The following PDCD4 variants were observed in gnomAD, a reference collection of about 807,000 sequenced individuals.
The protein encoded by PDCD4 is programmed cell death 4.
In PDCD4, 56 loss-of-function variants were observed where a neutral mutation model predicts 54.0. The observed-to-expected ratio is 1.04, with a 90% CI of 0.84 to 1.30. The LOEUF (loss-of-function observed/expected upper bound fraction) is 1.30. Ranked by LOEUF, PDCD4 falls within the 50% of genes most tolerant of loss-of-function variation. The probability of loss-of-function intolerance (pLI) is 0.00; values close to 1 mark genes in which losing one functional copy is unlikely to be tolerated. For synonymous variants in PDCD4, 186 were observed against 194.8 expected (o/e 0.95, Z 0.37); for missense variants, 584 against 559.8 (o/e 1.04, Z -0.44).
intron 2 of PDCD4, among the ~76,000 whole-genome samples, chr10:110,877,787 CT>C (rs1164616818): frequency 6.6e-6 from 1 of 152,150 alleles, no homozygotes; most frequent in Non-Finnish European, 1.5e-5. Context: ...CACTCTTACT[CT>C]TTTACTTGGA....
At chr10:110,872,704 C>A (rs1845437871) in intron 1 of PDCD4, among the ~76,000 whole-genome samples, 1 of 152,242 alleles carries the variant, frequency 6.6e-6, no homozygotes, top group African/African-American at 2.4e-5. Flanking sequence ...CGAACTTCGT[C>A]GCGCCCGTCT....
intron 1 of PDCD4, 48 bp downstream of exon 1, chr10:110,872,066 C>G (rs1337976819): frequency 6.6e-6 from 1 of 152,476 alleles, no homozygotes; most frequent in Non-Finnish European, 1.5e-5. Context: ...ACTGCGCCCT[C>G]TCCCCCATCC....
Position 110,878,027 on chromosome 10 carries a change from A to G in PDCD4, c.43+1957A>G, listed in dbSNP as rs59111562. Among the ~76,000 whole-genome samples the G allele has an allele frequency of 5.3e-5, 8 of 152,322 alleles. No homozygotes were observed. The East Asian group carries it at 1.2e-3, about 22-fold the overall frequency. On this transcript the variant is annotated intron_variant, in intron 2 of 11. Coordinates refer to ENST00000280154, the MANE Select transcript of PDCD4 (RefSeq NM_014456.5). ...TGATTTTCTGGTGCTGTGGTCATAT[A>G]CAATTGGAGTGGTTACTATTGAGAT...
intron 11 of PDCD4, among the ~76,000 whole-genome samples, chr10:110,897,565 T>A (rs1845860113): frequency 6.6e-6 from 1 of 152,214 alleles, no homozygotes; most frequent in African/African-American, 2.4e-5. Context: ...TTTTCCACAT[T>A]CAAGTTATGG....
intron 8 of PDCD4, among the ~76,000 whole-genome samples, chr10:110,892,095 A>G (rs1314021140): frequency 1.3e-5 from 2 of 152,218 alleles, no homozygotes; most frequent in Admixed American, 6.5e-5. Flanking sequence ...CTGAAATGCA[A>G]TTATTGCATT....
intron 5 of PDCD4, among the ~76,000 whole-genome samples, chr10:110,887,296 G>T (rs1203635777): frequency 1.3e-5 from 2 of 152,132 alleles, no homozygotes; most frequent in African/African-American, 4.8e-5. Context: ...CTACATGTAG[G>T]CTCTGCCATT....
chr10:110,872,288 C>T (rs956691367), intron 1 of PDCD4: 7 of 152,510 alleles, frequency 4.6e-5, no homozygotes, highest in African/African-American at 1.7e-4. Flanking sequence ...GCGGGCCCGC[C>T]CCCTCCCGGA....
At chr10:110,879,526 G>A (rs897239850) in intron 2 of PDCD4, among the ~76,000 whole-genome samples, 32 of 152,190 alleles carry the variant, frequency 2.1e-4, no homozygotes, top group Middle Eastern at 3.4e-3. Flanking sequence ...TTAGCCAGGC[G>A]TAGTGGCAGG....
At chr10:110,883,471 C>T (rs917158621) in intron 4 of PDCD4, among the ~76,000 whole-genome samples, 5 of 151,644 alleles carry the variant, frequency 3.3e-5, no homozygotes, top group East Asian at 1.9e-4. Flanking sequence ...TGGGGACATG[C>T]GCATCTTTCT....
intron 3 of PDCD4, 127 bp downstream of exon 3, chr10:110,881,662 A>G (rs754677321): frequency 2.8e-6 from 2 of 708,278 alleles, no homozygotes; most frequent in Non-Finnish European, 4.5e-6. Flanking sequence ...AAGGCTTTAC[A>G]GTTTGTATAT....
At chr10:110,877,358 C>T (rs542901667) in intron 2 of PDCD4, among the ~76,000 whole-genome samples, 1 of 152,164 alleles carries the variant, frequency 6.6e-6, no homozygotes, top group Non-Finnish European at 1.5e-5. Context: ...GGCGTGTGCA[C>T]CACTGTGCTT....
rs992604783 is a variant in PDCD4 at position 110,897,849 on chromosome 10, C to A, written c.1350-179C>A. On this transcript the variant is annotated intron_variant, in intron 11 of 11. Coordinates refer to ENST00000280154, the MANE Select transcript of PDCD4 (RefSeq NM_014456.5). ...TCAGATTTGATATTGATGTTTTATG[C>A]TAAGATATATAGTAGGGAGTCTTTT... Among the ~76,000 whole-genome samples the A allele has an allele frequency of 1.0e-4, 15 of 148,586 alleles. 1 individual carries two copies. The South Asian group carries it at 3.0e-3, about 29-fold the overall frequency.
At chr10:110,891,159 C>G (rs1845749533) in intron 8 of PDCD4, among the ~76,000 whole-genome samples, 2 of 152,084 alleles carry the variant, frequency 1.3e-5, no homozygotes, top group Non-Finnish European at 2.9e-5. Flanking sequence ...AATCCCAGCA[C>G]TTTGAGAGGC....
At chr10:110,897,239 CAT>C (rs1337682101) in intron 11 of PDCD4, among the ~76,000 whole-genome samples, 2 of 152,224 alleles carry the variant, frequency 1.3e-5, no homozygotes, top group Non-Finnish European at 2.9e-5. Flanking sequence ...TCAAGGGTCA[CAT>C]GAGGCAATAA....
Position 110,881,258 on chromosome 10 carries a change from C to G in PDCD4, c.69C>G (p.Leu23=), listed in dbSNP as rs1245423518. The G allele has an allele frequency of 1.9e-6, 3 of 1,613,014 alleles. No individual in the cohort carries two copies. Among genetic ancestry groups the G allele is most frequent in the Non-Finnish European group, 1.7e-6 (2 of 1,179,200 alleles). ...PADPDNLSDS[L]FSGDEENAGT... ...ATCCTGATAACTTAAGTGACTCTCTCTTTTCCGGTGATGAAGAAAATGCTG... is the reference window on the plus strand; with the variant it reads ...ATCCTGATAACTTAAGTGACTCTCTGTTTTCCGGTGATGAAGAAAATGCTG... Residue 23 remains leucine, a synonymous_variant, in exon 3 of 12, where the codon CTC becomes CTG. Transcript: ENST00000280154.
rs1177628721 is a variant in PDCD4 at position 110,898,075 on chromosome 10, C to T, written c.1397C>T (p.Pro466Leu). ...GAAGGAGATGGAGGTCGTCTTAAAC[C>T]AGAGAGCTACTGAATATAAGAACTC... ...VSEGDGGRLKPESY is the reference protein window; with the variant it reads ...VSEGDGGRLKLESY The change falls in exon 12 of 12, where the codon CCA becomes CTA. Residue 466 changes from proline to leucine, a missense_variant. By Grantham distance (98) the Pro-to-Leu change is moderately conservative. Transcript: ENST00000280154. The T allele has an allele frequency of 6.3e-7, 1 of 1,578,940 alleles. No homozygotes were observed. The highest frequency in any genetic ancestry group is 1.7e-5 in the Admixed American group (1 of 57,920).
At chr10:110,895,610 G>A (rs1470414334) in intron 10 of PDCD4, among the ~76,000 whole-genome samples, 1 of 152,076 alleles carries the variant, frequency 6.6e-6, no homozygotes, top group African/African-American at 2.4e-5. Context: ...TGGGATTGTC[G>A]GGTTGAACGG....
At position 110,875,990 on chromosome 10, in the gene PDCD4, G is replaced by A; in HGVS notation, c.-38G>A. The A allele has an allele frequency of 6.7e-7, 1 of 1,490,434 alleles. No homozygotes were observed. Among genetic ancestry groups the A allele is most frequent in the Non-Finnish European group, 9.1e-7 (1 of 1,092,980 alleles). The allele number at this position is 1,490,434 out of a possible 1,614,324, so 92.3% of individuals were successfully genotyped here. ...GATTCTGAAGGAAGATTTCCATTAG[G>A]TAATTTGTTTAATCAGTGCAAGCGA... is the stretch of plus-strand genomic sequence containing the variant. On this transcript the variant is annotated 5_prime_UTR_variant, in exon 2 of 12. Coordinates refer to ENST00000280154, the MANE Select transcript of PDCD4 (RefSeq NM_014456.5).
intron 11 of PDCD4, among the ~76,000 whole-genome samples, chr10:110,897,695 G>C (rs1845863535): frequency 6.6e-6 from 1 of 152,048 alleles, no homozygotes; most frequent in Non-Finnish European, 1.5e-5. Context: ...TTGGCTTACT[G>C]TTAAGCTTAC....
Sources: allele counts gnomAD v4.1 joint callset (sites outside exome capture counted in the v4.1 genomes callset), GRCh38; gene constraint gnomAD v4.1.1; transcripts MANE v1.5; gene names NCBI Gene and HGNC (gene_info 2026-07-23, HGNC 2026-07-21).